Variants in ADAM12 observed in about 807,000 individuals in gnomAD.
ADAM12 encodes the protein ADAM metallopeptidase domain 12, also known as disintegrin and metalloproteinase domain-containing protein 12.
ADAM12 carries 70 observed loss-of-function variants against 106.4 expected under a neutral mutation model. The observed-to-expected ratio is 0.66, with a 90% CI of 0.54 to 0.80. The LOEUF is 0.80. Ranked by LOEUF, ADAM12 falls within the 30% of genes least tolerant of loss-of-function variation. ADAM12 has a pLI of 0.00. For synonymous variants in ADAM12, 420 were observed against 433.5 expected (o/e 0.97, Z 0.39); for missense variants, 1,010 against 1,171.9 (o/e 0.86, Z 2.02).
intron 14 of ADAM12, among the ~76,000 whole-genome samples, chr10:126,051,528 G>T (rs1320520254): frequency 2.5e-5 from 3 of 119,676 alleles, no homozygotes; most frequent in East Asian, 2.5e-4. Flanking sequence ...CATCCAGCCA[G>T]CCAGCCACCC....
At chr10:126,363,866 A>G (rs1376123847) in intron 1 of ADAM12, among the ~76,000 whole-genome samples, 1 of 152,210 alleles carries the variant, frequency 6.6e-6, no homozygotes, top group African/African-American at 2.4e-5. Context: ...GAGAACTAAG[A>G]CCACTTTCCT....
At chr10:126,022,958 TA>T (rs1200161904) in intron 21 of ADAM12, among the ~76,000 whole-genome samples, 3 of 152,230 alleles carry the variant, frequency 2.0e-5, no homozygotes, top group African/African-American at 7.2e-5. Context: ...AAAACAATTT[TA>T]AATCCAGATA....
chr10:126,190,224 C>T (rs1040325234), intron 3 of ADAM12, among the ~76,000 whole-genome samples: 6 of 149,860 alleles, frequency 4.0e-5, no homozygotes, highest in South Asian at 2.1e-4. Context: ...TTTTTTTAGA[C>T]GGAGTCTCAC....
At chr10:126,188,788 A>G (rs1261502721) in intron 3 of ADAM12, among the ~76,000 whole-genome samples, 8 of 152,022 alleles carry the variant, frequency 5.3e-5, no homozygotes, top group African/African-American at 1.9e-4. Flanking sequence ...TCTATCCATC[A>G]TCCTTTCATC....
At chr10:126,125,228 C>CT (rs1554972618) in intron 5 of ADAM12, among the ~76,000 whole-genome samples, 17 of 145,502 alleles carry the variant, frequency 1.2e-4, no homozygotes, top group South Asian at 1.1e-3. Flanking sequence ...GTATTACTTC[C>CT]TTTTTTTTTT....
At chr10:126,183,404 C>T (rs755729134) in intron 3 of ADAM12, among the ~76,000 whole-genome samples, 2 of 152,152 alleles carry the variant, frequency 1.3e-5, no homozygotes, top group Non-Finnish European at 2.9e-5. Flanking sequence ...GAACACCACC[C>T]GTGTGCGAGC....
chr10:126,309,839 G>C (rs1482758016), intron 2 of ADAM12, among the ~76,000 whole-genome samples: 1 of 152,112 alleles, frequency 6.6e-6, no homozygotes, highest in Non-Finnish European at 1.5e-5. Flanking sequence ...TGCAGGTAAA[G>C]ATTTTGTGTC....
At chr10:126,263,708 T>A (rs1024152036) in intron 3 of ADAM12, among the ~76,000 whole-genome samples, 2 of 152,200 alleles carry the variant, frequency 1.3e-5, no homozygotes, top group African/African-American at 4.8e-5. Context: ...TATGATAGGG[T>A]AAAAACCAAT....
chr10:126,017,481 G>A, intron 22 of ADAM12, 142 bp from the exon 23 acceptor site: 2 of 724,696 alleles, frequency 2.8e-6, no homozygotes, highest in Non-Finnish European at 2.2e-6. Context: ...TAACGGGGGT[G>A]GGAAACCTGT....
intron 3 of ADAM12, among the ~76,000 whole-genome samples, chr10:126,190,722 G>A (rs976670445): frequency 6.6e-6 from 1 of 152,174 alleles, no homozygotes; most frequent in South Asian, 2.1e-4. Context: ...GTGAGGAACA[G>A]ACCTCTTTGA....
chr10:126,297,046 G>A (rs756011847), intron 2 of ADAM12, among the ~76,000 whole-genome samples: 2 of 152,208 alleles, frequency 1.3e-5, no homozygotes, highest in African/African-American at 2.4e-5. Context: ...GCTGGTAAAA[G>A]TGCAAATTGG....
chr10:126,087,766 G>A (rs781745720), intron 11 of ADAM12, among the ~76,000 whole-genome samples: 15 of 152,248 alleles, frequency 9.9e-5, no homozygotes, highest in East Asian at 5.8e-4. Flanking sequence ...GGACTTTCCC[G>A]CTACATTGAA....
intron 3 of ADAM12, among the ~76,000 whole-genome samples, chr10:126,230,452 T>C (rs1301584302): frequency 2.0e-5 from 3 of 152,226 alleles, no homozygotes; most frequent in Admixed American, 1.3e-4. Flanking sequence ...GCTGTATGTT[T>C]AATATTCTTA....
intron 2 of ADAM12, among the ~76,000 whole-genome samples, chr10:126,307,254 T>C (rs1170623706): frequency 3.3e-5 from 5 of 152,252 alleles, no homozygotes; most frequent in African/African-American, 1.2e-4. Context: ...TCGTTTTTGC[T>C]GTTTTACCAC....
At chr10:126,234,389 G>C (rs920026971) in intron 3 of ADAM12, among the ~76,000 whole-genome samples, 2 of 152,192 alleles carry the variant, frequency 1.3e-5, no homozygotes, top group African/African-American at 2.4e-5. Context: ...CTGTTTGTTT[G>C]TTTGAAAGCC....
chr10:126,376,256 T>TA (rs920881865), intron 1 of ADAM12, among the ~76,000 whole-genome samples: 2 of 151,590 alleles, frequency 1.3e-5, no homozygotes, highest in African/African-American at 2.4e-5. Flanking sequence ...TCATCAGGAT[T>TA]AAAAAAAAAT....
chr10:126,026,637 C>G (rs1269129662), intron 21 of ADAM12, among the ~76,000 whole-genome samples: 1 of 152,118 alleles, frequency 6.6e-6, no homozygotes, highest in African/African-American at 2.4e-5. Context: ...CCACACAACT[C>G]CATGGAACCT....
At chr10:126,063,728 G>A (rs1338517773) in intron 14 of ADAM12, among the ~76,000 whole-genome samples, 1 of 152,216 alleles carries the variant, frequency 6.6e-6, no homozygotes, top group Admixed American at 6.5e-5. Context: ...GCCTGCACTT[G>A]TGGATTTCAC....
In ADAM12 at chr10:126,235,923, C is replaced by A. The variant is rs181203578; in HGVS notation, c.260+42992G>T. Among the ~76,000 whole-genome samples the A allele has an allele frequency of 8.4e-4, 127 of 152,038 alleles. 1 individual carries two copies. Among genetic ancestry groups the A allele is most frequent in the African/African-American group, 2.8e-3 (118 of 41,448 alleles). Reference sequence around the variant, plus strand: ...CACACGGAGGAGGGGGTGGCTGTACCATGGGCTGCGCAGGACCTGGTTGGA... The same window carrying A: ...CACACGGAGGAGGGGGTGGCTGTACAATGGGCTGCGCAGGACCTGGTTGGA... On this transcript the variant is annotated intron_variant, in intron 3 of 22. Transcript: ENST00000448723.
Sources: gnomAD v4.1 joint callset for allele counts (sites outside exome capture counted in the v4.1 genomes callset) on GRCh38, gnomAD v4.1.1 for gene constraint, MANE v1.5 for transcripts, NCBI Gene and HGNC (gene_info 2026-07-23, HGNC 2026-07-21) for gene names.